PPP4R2: variants seen among roughly 807,000 people sequenced by gnomAD.
The protein encoded by PPP4R2 is serine/threonine-protein phosphatase 4 regulatory subunit 2.
In PPP4R2, 13 loss-of-function variants were observed where a neutral mutation model predicts 47.2. The ratio of observed to expected loss-of-function variants is 0.28; its 90% CI spans 0.18 to 0.44. The LOEUF (loss-of-function observed/expected upper bound fraction) is 0.44, where lower values mean the gene tolerates loss of function less well. Among genes scored for constraint, PPP4R2 ranks in the 20% least tolerant of loss-of-function variants. The pLI, the probability that PPP4R2 is intolerant of heterozygous loss-of-function variation, is 1.00. For synonymous variants in PPP4R2, 151 were observed against 163.3 expected (o/e 0.92, Z 0.57); for missense variants, 421 against 491.2 (o/e 0.86, Z 1.35).
intron 6 of PPP4R2, 31 bp from the exon 7 acceptor site, chr3:73,063,972 T>C (rs1226374264): frequency 1.3e-6 from 2 of 1,552,852 alleles, no homozygotes; most frequent in Non-Finnish European, 1.7e-6. Flanking sequence ...TTTATAAAAA[T>C]AGGAAATGAT....
intron 2 of PPP4R2, among the ~76,000 whole-genome samples, chr3:73,028,278 C>CG (rs1702106164): frequency 7.0e-6 from 1 of 142,246 alleles, no homozygotes; most frequent in African/African-American, 2.6e-5. Context: ...AAAAAAAAGA[C>CG]GGGGTCTTAC....
chr3:73,012,639 G>A (rs541872072), intron 2 of PPP4R2, among the ~76,000 whole-genome samples: 10 of 152,090 alleles, frequency 6.6e-5, no homozygotes, highest in Non-Finnish European at 1.3e-4. Context: ...GGTTGGATTC[G>A]CGAATGTGGA....
intron 2 of PPP4R2, among the ~76,000 whole-genome samples, chr3:73,017,432 A>G (rs1701864629): frequency 6.6e-6 from 1 of 152,196 alleles, no homozygotes; most frequent in Non-Finnish European, 1.5e-5. Context: ...CTTCAGTGAC[A>G]GCAGTGCTGA....
chr3:73,045,526 A>ATTT lies in PPP4R2; in HGVS notation c.117-1646_117-1644dup, dbSNP rs10659714. Among the ~76,000 whole-genome samples the ATTT allele has an allele frequency of 9.4e-3, 1,316 of 139,380 alleles. 17 individuals are homozygous for ATTT. The highest frequency in any genetic ancestry group is 0.015 in the Middle Eastern group (4 of 262). 91.4% of individuals were successfully genotyped at this position (139,380 alleles called of 152,430 possible). ...AGAAAATGTCTACCACATTCTCCTA[A>ATTT]TTTTTTTTTTTTTTTTGGAAATGGA... is the stretch of plus-strand genomic sequence containing the variant. On this transcript the variant is annotated intron_variant, in intron 2 of 8. Coordinates refer to ENST00000356692, the MANE Select transcript of PPP4R2 (RefSeq NM_174907.4).
intron 2 of PPP4R2, among the ~76,000 whole-genome samples, chr3:73,018,693 C>T (rs1241571466): frequency 6.6e-6 from 1 of 152,122 alleles, no homozygotes; most frequent in Non-Finnish European, 1.5e-5. Flanking sequence ...ACTGAATATG[C>T]AGTGTTCTAC....
chr3:73,016,835 T>A (rs1278833669), intron 2 of PPP4R2, among the ~76,000 whole-genome samples: 13 of 119,860 alleles, frequency 1.1e-4, no homozygotes, highest in Non-Finnish European at 1.8e-4. Context: ...TTTTTTTTTT[T>A]AAATACAGAG....
intron 2 of PPP4R2, chr3:73,015,980 C>A (rs1250521839): frequency 4.9e-6 from 1 of 205,254 alleles, no homozygotes; most frequent in South Asian, 5.1e-5. Context: ...GTTATCCAGG[C>A]TGGTCTCGAA....
At chr3:73,047,387 A>G (rs1702506481) in intron 3 of PPP4R2, 31 bp downstream of exon 3, 2 of 1,410,554 alleles carry the variant, frequency 1.4e-6, no homozygotes, top group Non-Finnish European at 9.6e-7. Flanking sequence ...TAAAGATTTA[A>G]TTTTTAGCAG....
At chr3:73,039,021 C>A (rs565390423) in intron 2 of PPP4R2, among the ~76,000 whole-genome samples, 139 of 152,290 alleles carry the variant, frequency 9.1e-4, no homozygotes, top group African/African-American at 2.9e-3. Flanking sequence ...ACTATGCCAT[C>A]TTCAGATAGA....
At chr3:73,017,206 A>G (rs1168654555) in intron 2 of PPP4R2, among the ~76,000 whole-genome samples, 1 of 152,156 alleles carries the variant, frequency 6.6e-6, no homozygotes, top group East Asian at 1.9e-4. Flanking sequence ...GACATCAGCC[A>G]CTGTGCCCAG....
chr3:72,998,033 CT>C (rs997370106), intron 1 of PPP4R2, 43 bp from the exon 2 acceptor site: 3 of 1,414,688 alleles, frequency 2.1e-6, no homozygotes, highest in Non-Finnish European at 9.9e-7. Context: ...TTTTAGAGCG[CT>C]TTTGAGAAAA....
chr3:73,038,053 C>G (rs1007711126), intron 2 of PPP4R2, among the ~76,000 whole-genome samples: 4 of 152,178 alleles, frequency 2.6e-5, no homozygotes, highest in Non-Finnish European at 2.9e-5. Flanking sequence ...CAACCCGGTC[C>G]TGTCTGACAC....
At chr3:73,007,176 A>T (rs1162788815) in intron 2 of PPP4R2, among the ~76,000 whole-genome samples, 1 of 152,308 alleles carries the variant, frequency 6.6e-6, no homozygotes. Flanking sequence ...TGGGCAGGCA[A>T]TACATAGGAA....
chr3:73,029,137 G>A (rs1702123460), intron 2 of PPP4R2, among the ~76,000 whole-genome samples: 1 of 152,118 alleles, frequency 6.6e-6, no homozygotes, highest in African/African-American at 2.4e-5. Flanking sequence ...GTAGAGACAG[G>A]ATCTTGTTGC....
chr3:73,002,458 A>G (rs1333916241), intron 2 of PPP4R2, among the ~76,000 whole-genome samples: 3 of 151,744 alleles, frequency 2.0e-5, no homozygotes, highest in Admixed American at 6.6e-5. Flanking sequence ...AAGTCTTGCT[A>G]TGTTGCCTAG....
intron 2 of PPP4R2, among the ~76,000 whole-genome samples, chr3:73,031,735 A>G (rs780960324): frequency 3.3e-5 from 5 of 152,148 alleles, no homozygotes; most frequent in Non-Finnish European, 5.9e-5. Flanking sequence ...CTGTGGTCTA[A>G]CACAGGTCTT....
rs372709784 is a variant in PPP4R2 at position 73,065,600 on chromosome 3, C to T, written c.1132C>T (p.Arg378Cys). Residue 378 changes from arginine to cysteine, a missense_variant, in exon 9 of 9, where the codon CGT becomes TGT. Around this residue, in one of 2 missense-constraint regions of PPP4R2, gnomAD observed 317 missense variants for 287.5 expected, o/e 1.10. Coordinates refer to ENST00000356692, the MANE Select transcript of PPP4R2 (RefSeq NM_174907.4). The stretch of plus-strand genomic sequence containing the variant: ...TGTAAGTAGTAGTTCTTCTGACTGC[C>T]GTGAAACAGAAGAATTAGTAGGATC... ...GPVSSSSSDC[R>C]ETEELVGSNS... is the part of the protein sequence containing the mutation. 2.9e-5 allele frequency: 47 copies of T among 1,613,300 alleles called. No homozygotes were observed. The highest frequency in any genetic ancestry group is 2.2e-4 in the Admixed American group (13 of 59,962).
chr3:73,021,902 T>TA (rs761206720), intron 2 of PPP4R2, among the ~76,000 whole-genome samples: 57,878 of 112,026 alleles, frequency 0.52, 12,644 homozygotes, highest in Non-Finnish European at 0.57. Context: ...ATATATATAT[T>TA]TTTTTTTTTT....
At position 73,021,607 on chromosome 3, in the gene PPP4R2, G is replaced by A. The variant is rs868481085; in HGVS notation, c.116+23449G>A. Among the ~76,000 whole-genome samples, 40 of 152,176 alleles carry A rather than the reference G, an allele frequency of 2.6e-4. No individual in the cohort carries two copies. The South Asian group carries it at 2.7e-3, about 10-fold the overall frequency. On this transcript the variant is annotated intron_variant, in intron 2 of 8. Coordinates refer to ENST00000356692, the MANE Select transcript of PPP4R2 (RefSeq NM_174907.4). The stretch of plus-strand genomic sequence containing the variant: ...CATAAATTAGGAAAAAAATACTGGT[G>A]TGAATTTTCTCAAAGGGGAAGCTCT...
Sources: gnomAD v4.1 joint callset for allele counts (sites outside exome capture counted in the v4.1 genomes callset) on GRCh38, gnomAD v4.1.1 for gene constraint, gnomAD v4.1.1 regional missense constraint, MANE v1.5 for transcripts, NCBI Gene and HGNC (gene_info 2026-07-23, HGNC 2026-07-21) for gene names.